Variants in CNTNAP2 observed in about 807,000 individuals in gnomAD.
The protein encoded by CNTNAP2 is contactin-associated protein-like 2.
In CNTNAP2, 98 loss-of-function variants were observed where a neutral mutation model predicts 155.2. The ratio of observed to expected loss-of-function variants is 0.63; its 90% CI spans 0.54 to 0.75. CNTNAP2 has a LOEUF of 0.75. Among genes scored for constraint, CNTNAP2 ranks in the 30% least tolerant of loss-of-function variants. The probability of loss-of-function intolerance (pLI) is 0.00; values close to 1 mark genes in which losing one functional copy is unlikely to be tolerated. For missense variants in CNTNAP2, 1,727 were observed against 1,688.1 expected (o/e 1.02, Z -0.40); for synonymous variants, 651 against 631.2 (o/e 1.03, Z -0.47).
chr7:147,178,675 G>T (rs1802396923), intron 8 of CNTNAP2, among the ~76,000 whole-genome samples: 1 of 152,068 alleles, frequency 6.6e-6, no homozygotes, highest in Non-Finnish European at 1.5e-5. Context: ...GCAGTGTCCG[G>T]GTCTCTGAAA....
intron 12 of CNTNAP2, among the ~76,000 whole-genome samples, chr7:147,602,504 A>G (rs201615642): frequency 6.7e-6 from 1 of 149,178 alleles, no homozygotes; most frequent in African/African-American, 2.5e-5. Context: ...TTTTTTTTTT[A>G]ATACTTTAAG....
chr7:147,979,584 T>C (rs1801486974), intron 15 of CNTNAP2, among the ~76,000 whole-genome samples: 1 of 152,148 alleles, frequency 6.6e-6, no homozygotes, highest in African/African-American at 2.4e-5. Flanking sequence ...TTATAAAAAT[T>C]CCACTTCTGC....
At chr7:147,244,277 G>A (rs1185847001) in intron 8 of CNTNAP2, among the ~76,000 whole-genome samples, 2 of 152,100 alleles carry the variant, frequency 1.3e-5, no homozygotes, top group Non-Finnish European at 2.9e-5. Context: ...GAACATCTCC[G>A]CTTTATCAGC....
At chr7:147,570,797 C>T (rs747146619) in intron 12 of CNTNAP2, among the ~76,000 whole-genome samples, 4 of 152,184 alleles carry the variant, frequency 2.6e-5, no homozygotes, top group South Asian at 2.1e-4. Flanking sequence ...GTGTTCAGAG[C>T]TGGTTTGTAG....
Position 146,719,134 on chromosome 7 carries a change from T to A in CNTNAP2, c.98-55137T>A, listed in dbSNP as rs145519101. Among the ~76,000 whole-genome samples, 72 of 152,272 alleles carry A rather than the reference T, an allele frequency of 4.7e-4. 1 individual carries two copies. Among genetic ancestry groups the A allele is most frequent in the African/African-American group, 1.7e-3 (69 of 41,582 alleles). On this transcript the variant is annotated intron_variant, in intron 1 of 23. Coordinates refer to ENST00000361727, the MANE Select transcript of CNTNAP2 (RefSeq NM_014141.6). ...CCCAATGTTGATGCAATAAGGAGAA[T>A]TTTATTTGTTCTATGACTTTTCAAT...
intron 2 of CNTNAP2, among the ~76,000 whole-genome samples, chr7:146,780,288 C>T (rs972468427): frequency 7.9e-5 from 12 of 152,002 alleles, no homozygotes; most frequent in Admixed American, 7.9e-4. Flanking sequence ...GAGGTTCATG[C>T]CATTCTCCCC....
chr7:147,415,180 C>T (rs951179281), intron 10 of CNTNAP2, among the ~76,000 whole-genome samples: 1 of 152,104 alleles, frequency 6.6e-6, no homozygotes, highest in African/African-American at 2.4e-5. Context: ...TATGCTGACA[C>T]CTCTTTCAGA....
chr7:146,608,220 T>C lies in CNTNAP2; in HGVS notation c.98-166051T>C, dbSNP rs2129153423. 2.0e-5 allele frequency among the ~76,000 whole-genome samples: 3 copies of C among 152,334 alleles called. No homozygotes were observed. In the South Asian group the frequency reaches 6.2e-4, roughly 32 times the overall value. On this transcript the variant is annotated intron_variant, in intron 1 of 23. Coordinates refer to ENST00000361727, the MANE Select transcript of CNTNAP2 (RefSeq NM_014141.6). ...GTGGCATATACAGTCCTATTGAAGA[T>C]ATTCGTGCAAATATATTGTTCCTTT...
intron 1 of CNTNAP2, among the ~76,000 whole-genome samples, chr7:146,515,743 C>T (rs1272038533): frequency 6.6e-6 from 1 of 152,000 alleles, no homozygotes; most frequent in Non-Finnish European, 1.5e-5. Flanking sequence ...TGTCAGAAAA[C>T]CACTGGTCCT....
At chr7:147,977,640 G>T (rs904853816) in intron 14 of CNTNAP2, among the ~76,000 whole-genome samples, 71 of 152,130 alleles carry the variant, frequency 4.7e-4, no homozygotes, top group African/African-American at 1.7e-3. Context: ...TCAGGGTGTC[G>T]CTTCTGTTTT....
chr7:146,685,649 G>A (rs1800584450), intron 1 of CNTNAP2, among the ~76,000 whole-genome samples: 1 of 152,046 alleles, frequency 6.6e-6, no homozygotes, highest in Non-Finnish European at 1.5e-5. Flanking sequence ...AGCCTACGTA[G>A]TAATAACAAT....
intron 13 of CNTNAP2, among the ~76,000 whole-genome samples, chr7:147,864,028 C>T (rs1328592562): frequency 3.3e-5 from 5 of 151,996 alleles, no homozygotes; most frequent in African/African-American, 1.2e-4. Context: ...ATGGTATTGC[C>T]TAGGTTTTCT....
chr7:147,211,760 T>G (rs1033343571), intron 8 of CNTNAP2, among the ~76,000 whole-genome samples: 1 of 151,934 alleles, frequency 6.6e-6, no homozygotes, highest in Non-Finnish European at 1.5e-5. Context: ...AAATTATAAC[T>G]AAGTCCTCAA....
chr7:146,983,400 A>G (rs182057858), intron 3 of CNTNAP2, among the ~76,000 whole-genome samples: 1 of 152,300 alleles, frequency 6.6e-6, no homozygotes, highest in Admixed American at 6.5e-5. Context: ...GAAAAAAGGT[A>G]CACAATTTTA....
intron 15 of CNTNAP2, among the ~76,000 whole-genome samples, chr7:148,019,537 G>A (rs1054373604): frequency 2.0e-5 from 3 of 151,984 alleles, no homozygotes; most frequent in Non-Finnish European, 4.4e-5. Context: ...TTGGCTCAAT[G>A]CAACCACCCC....
intron 14 of CNTNAP2, among the ~76,000 whole-genome samples, chr7:147,958,825 G>A (rs2116839929): frequency 6.6e-6 from 1 of 152,186 alleles, no homozygotes; most frequent in African/African-American, 2.4e-5. Flanking sequence ...CAACTCATCA[G>A]TTTGCCTCCC....
At chr7:147,189,894 G>C (rs917014925) in intron 8 of CNTNAP2, among the ~76,000 whole-genome samples, 3 of 151,882 alleles carry the variant, frequency 2.0e-5, no homozygotes, top group Non-Finnish European at 2.9e-5. Flanking sequence ...ACAGGTGCCC[G>C]CCACCACGCC....
intron 1 of CNTNAP2, among the ~76,000 whole-genome samples, chr7:146,764,744 A>G (rs1432765983): frequency 2.0e-5 from 3 of 152,162 alleles, no homozygotes; most frequent in African/African-American, 7.2e-5. Context: ...TTCTCCAAAC[A>G]TGACCGATTT....
chr7:146,218,925 T>G (rs1027906758), intron 1 of CNTNAP2, among the ~76,000 whole-genome samples: 13 of 152,056 alleles, frequency 8.5e-5, no homozygotes, highest in African/African-American at 2.9e-4. Flanking sequence ...GAGATGTAAG[T>G]GTATTAGTCC....
Sources: gnomAD v4.1 joint callset for allele counts (sites outside exome capture counted in the v4.1 genomes callset) on GRCh38, gnomAD v4.1.1 for gene constraint, MANE v1.5 for transcripts, NCBI Gene and HGNC (gene_info 2026-07-23, HGNC 2026-07-21) for gene names.